Variants in P3H1 observed in about 807,000 individuals in gnomAD.
P3H1 encodes prolyl 3-hydroxylase 1, also known as growth suppressor 1.
P3H1 carries 69 observed loss-of-function variants against 84.0 expected under a neutral mutation model. The observed-to-expected ratio is 0.82, with a 90% CI of 0.68 to 1.00. P3H1 has a LOEUF of 1.00. P3H1 is among the 50% of genes least tolerant of loss of function. The pLI is 0.00. For synonymous variants in P3H1, 366 were observed against 388.8 expected (o/e 0.94, Z 0.69); for missense variants, 878 against 962.8 (o/e 0.91, Z 1.17).
intron 5 of P3H1, among the ~76,000 whole-genome samples, chr1:42,756,644 A>G (rs1652419831): frequency 6.6e-6 from 1 of 152,172 alleles, no homozygotes; most frequent in African/African-American, 2.4e-5. Flanking sequence ...ACCAAATGCT[A>G]TGTTATCTCA....
intron 5 of P3H1, among the ~76,000 whole-genome samples, chr1:42,757,374 A>G (rs1432162656): frequency 6.6e-6 from 1 of 152,176 alleles, no homozygotes; most frequent in East Asian, 1.9e-4. Context: ...AATGGCAGGA[A>G]GAAGAAGAGA....
chr1:42,764,394 T>A (rs1471452503), intron 1 of P3H1, among the ~76,000 whole-genome samples: 1 of 126,758 alleles, frequency 7.9e-6, no homozygotes, highest in African/African-American at 3.1e-5. Context: ...GCCACTGCAC[T>A]CCAGCCTGGC....
At chr1:42,747,829 C>A (rs1651816000) in intron 12 of P3H1, 31 bp from the exon 13 acceptor site, 1 of 1,596,270 alleles carries the variant, frequency 6.3e-7, no homozygotes, top group African/African-American at 1.3e-5. Flanking sequence ...TCATCATGGC[C>A]CTTCCCTGCC....
At chr1:42,757,250 C>T (rs1216621401) in intron 5 of P3H1, among the ~76,000 whole-genome samples, 2 of 152,104 alleles carry the variant, frequency 1.3e-5, no homozygotes, top group South Asian at 2.1e-4. Context: ...CTCCAGAGCT[C>T]GGAAGAAGAG....
intron 2 of P3H1, chr1:42,759,960 C>A (rs915686841): frequency 2.6e-5 from 4 of 151,432 alleles, no homozygotes; most frequent in South Asian, 2.0e-4. Flanking sequence ...CTTCCCCCCC[C>A]ATTAGTGACA....
rs950180086 is a variant in P3H1 at position 42,746,641 on chromosome 1, T to G, written c.*56A>C. On this transcript the variant is annotated 3_prime_UTR_variant, in exon 15 of 15. Coordinates refer to ENST00000296388, the MANE Select transcript of P3H1 (RefSeq NM_022356.4). Reference sequence around the variant, plus strand: ...CCCCGAGGGGCTGGCCAGCTCAGAGTGCAGAAGAGTTCCTCTCCATGGGTC... The same window carrying G: ...CCCCGAGGGGCTGGCCAGCTCAGAGGGCAGAAGAGTTCCTCTCCATGGGTC... The G allele has an allele frequency of 7.0e-7, 1 of 1,426,546 alleles. No individual in the cohort carries two copies. Among genetic ancestry groups the G allele is most frequent in the Non-Finnish European group, 9.7e-7 (1 of 1,034,424 alleles). 88.4% of individuals were successfully genotyped at this position (1,426,546 alleles called of 1,614,324 possible). A position where few individuals can be genotyped will look rare whatever the true frequency, so the allele number is the denominator to read the frequency against.
In P3H1 at chr1:42,752,354, C is replaced by T; in HGVS notation, c.1489G>A (p.Gly497Arg). ...QRLTNVAATSGDGYRGQTSPH... is the reference protein window; with the variant it reads ...QRLTNVAATSRDGYRGQTSPH... The stretch of plus-strand genomic sequence containing the variant: ...GAGGTCTGACCCCGGTAGCCATCTC[C>T]TGAGGTTGCTGCCACCTACAAGGCC... The change falls in exon 10 of 15, where the codon GGA becomes AGA. Residue 497 changes from glycine (G) to arginine (R), a missense_variant. Gly to Arg is a moderately radical substitution (Grantham distance 125). Transcript: ENST00000296388. 1 of 1,614,154 alleles carries T rather than the reference C, an allele frequency of 6.2e-7. No homozygotes were observed. The highest frequency in any genetic ancestry group is 8.5e-7 in the Non-Finnish European group (1 of 1,180,030).
At position 42,754,838 on chromosome 1, in the gene P3H1, G is replaced by C; in HGVS notation, c.1345+31C>G. ...TGACCTGCCTGGCTCCCTGACAACA[G>C]CCAGACATGCCCCTATTTCTGTCCT... On this transcript the variant is annotated intron_variant, in intron 8 of 14. Coordinates refer to ENST00000296388, the MANE Select transcript of P3H1 (RefSeq NM_022356.4). The surrounding 1 kb of genome is among the most constrained non-coding windows in gnomAD (Gnocchi z 4.0). 6.2e-7 allele frequency: 1 copy of C among 1,613,950 alleles called. No individual in the cohort carries two copies. The highest frequency in any genetic ancestry group is 8.5e-7 in the Non-Finnish European group (1 of 1,179,898).
At position 42,747,351 on chromosome 1, in the gene P3H1, T is replaced by A; in HGVS notation, c.1976A>T (p.His659Leu). 1 of 1,610,342 alleles carries A rather than the reference T, an allele frequency of 6.2e-7. No individual in the cohort carries two copies. Among genetic ancestry groups the A allele is most frequent in the Non-Finnish European group, 8.5e-7 (1 of 1,177,722 alleles). Residue 659 changes from histidine to leucine, a missense_variant, in exon 14 of 15, where the codon CAT becomes CTT. Coordinates refer to ENST00000296388, the MANE Select transcript of P3H1 (RefSeq NM_022356.4). The stretch of plus-strand genomic sequence containing the variant: ...CCCCCTGGTGACAGCCTTCACTCCA[T>A]GTGGGTTTTCAGTGCCTGAAGAGAA... ...VGFSSGTENP[H>L]GVKAVTRGQR...
At chr1:42,750,758 G>A (rs867243210) in intron 10 of P3H1, among the ~76,000 whole-genome samples, 15 of 143,716 alleles carry the variant, frequency 1.0e-4, no homozygotes, top group East Asian at 2.1e-4. Context: ...CTGCCCGGCC[G>A]CCCCTACTGG....
chr1:42,757,220 T>G (rs1652448240), intron 5 of P3H1, among the ~76,000 whole-genome samples: 1 of 152,162 alleles, frequency 6.6e-6, no homozygotes, highest in Admixed American at 6.5e-5. Context: ...AAGAGGCTGT[T>G]TCTACTGGAG....
rs201020061 is a variant in P3H1 at position 42,757,910 on chromosome 1, G to A, written c.953C>T (p.Thr318Ile). ...GGTCTTGGCACATTCAACAGCCTGT[G>A]TATAATTCCCAACTGCAAAGTGGAA... is the stretch of plus-strand genomic sequence containing the variant. ...QFAYYNIGNYTQAVECAKTYL... is the reference protein window; with the variant it reads ...QFAYYNIGNYIQAVECAKTYL... The change falls in exon 5 of 15, where the codon ACA becomes ATA. Residue 318 changes from threonine (T) to isoleucine (I), a missense_variant. Transcript: ENST00000296388. The A allele has an allele frequency of 2.3e-5, 37 of 1,614,052 alleles. No individual in the cohort carries two copies. The highest frequency in any genetic ancestry group is 3.1e-5 in the Non-Finnish European group (37 of 1,179,972).
rs140468248 is a variant in P3H1, at chr1:42,755,598, C to G, written c.1120G>C (p.Glu374Gln). 1 of 1,614,010 alleles carries G rather than the reference C, an allele frequency of 6.2e-7. No homozygotes were observed. The highest frequency in any genetic ancestry group is 8.5e-7 in the Non-Finnish European group (1 of 1,179,996). The change falls in exon 6 of 15, where the codon GAA (glutamate) becomes CAA (glutamine). Residue 374 changes from glutamate (E) to glutamine (Q), a missense_variant. Glu to Gln is a conservative substitution (Grantham distance 29). Transcript: ENST00000296388. ...ACATCATAAGCGAAGAAAAGCAGTTCTTTTTCCAGTAGGCTTCGCTGTCGG... is the reference window on the plus strand; with the variant it reads ...ACATCATAAGCGAAGAAAAGCAGTTGTTTTTCCAGTAGGCTTCGCTGTCGG... ...EYRQRSLLEK[E>Q]LLFFAYDVFG...
At chr1:42,752,155 G>C (rs1652134666) in intron 10 of P3H1, 119 bp downstream of exon 10, 1 of 829,946 alleles carries the variant, frequency 1.2e-6, no homozygotes, top group Admixed American at 1.8e-5. Context: ...CAACAAGAAT[G>C]TTGGCAGGTG....
chr1:42,755,038 G>A, intron 7 of P3H1, 48 bp from the exon 8 acceptor site: 1 of 1,613,952 alleles, frequency 6.2e-7, no homozygotes. Context: ...CCAGCCCTGG[G>A]CTCCACCCCG....
Position 42,758,851 on chromosome 1 carries a change from C to A in P3H1, c.940+1G>T, listed in dbSNP as rs762525651. 8 of 1,613,984 alleles carry A rather than the reference C, an allele frequency of 5.0e-6. No homozygotes were observed. The highest frequency in any genetic ancestry group is 8.5e-7 in the Non-Finnish European group (1 of 1,179,962). On this transcript the variant is annotated splice_donor_variant, in intron 4 of 14. Transcript: ENST00000296388. LOFTEE classifies it high-confidence loss of function. The stretch of plus-strand genomic sequence containing the variant: ...GAAAGAGGAAGGAAAGTAGGCCTTA[C>A]TGTTATAGTAGGCAAACTGCAGATA...
chr1:42,759,688 G>A (rs1343665131), intron 2 of P3H1, among the ~76,000 whole-genome samples: 1 of 152,136 alleles, frequency 6.6e-6, no homozygotes, highest in South Asian at 2.1e-4. Flanking sequence ...CCACCTCCTG[G>A]GTTCAAGTGA....
At position 42,758,833 on chromosome 1, in the gene P3H1, G is replaced by C. The variant is rs550448393; in HGVS notation, c.940+19C>G. The C allele has an allele frequency of 1.7e-5, 27 of 1,613,860 alleles. No homozygotes were observed. Among genetic ancestry groups the C allele is most frequent in the Non-Finnish European group, 2.2e-5 (26 of 1,179,872 alleles). On this transcript the variant is annotated intron_variant, in intron 4 of 14. Coordinates refer to ENST00000296388, the MANE Select transcript of P3H1 (RefSeq NM_022356.4). The stretch of plus-strand genomic sequence containing the variant: ...TCTTAGTTAGCCAGCAGAGAAAGAG[G>C]AAGGAAAGTAGGCCTTACTGTTATA...
At chr1:42,762,090 G>A (rs1488558802) in intron 2 of P3H1, 8 of 504,366 alleles carry the variant, frequency 1.6e-5, no homozygotes, top group Non-Finnish European at 2.9e-5. Flanking sequence ...CTTCTGTAAT[G>A]TAATTAGAAA....
Sources: gnomAD v4.1 joint callset for allele counts (sites outside exome capture counted in the v4.1 genomes callset) on GRCh38, gnomAD v4.1.1 for gene constraint, Gnocchi (gnomAD v3.1) non-coding constraint, MANE v1.5 for transcripts, NCBI Gene and HGNC (gene_info 2026-07-23, HGNC 2026-07-21) for gene names.